The following MYO3A variants were observed in gnomAD, a reference collection of about 807,000 sequenced individuals.
MYO3A encodes myosin-IIIa.
A neutral mutation model predicts 192.7 loss-of-function variants in MYO3A; 180 were observed. The ratio of observed to expected loss-of-function variants is 0.93; its 90% CI spans 0.83 to 1.06. The LOEUF is 1.06. Among genes scored for constraint, MYO3A ranks in the 50% least tolerant of loss-of-function variants. The pLI is 0.00. For synonymous variants in MYO3A, 628 were observed against 645.3 expected, an observed-to-expected ratio of 0.97 and a Z score of 0.41; for missense variants, 1,896 against 1,905.0, an observed-to-expected ratio of 1.00 and a Z score of 0.09.
At chr10:26,068,695 A>G (rs1835006726) in intron 11 of MYO3A, 73 bp from the exon 12 acceptor site, 2 of 984,868 alleles carry the variant, frequency 2.0e-6, no homozygotes, top group Non-Finnish European at 3.2e-6. Context: ...TCTGTTTATT[A>G]TTGTTTACTT....
rs79417371 is a variant in MYO3A, at chr10:25,996,319, A to G, written c.304-171A>G. ...ATTGTGTTCTAGGAATTAATTTTAC[A>G]CAAGTCTAAGTTTATATATTCATTT... is the stretch of plus-strand genomic sequence containing the variant. On this transcript the variant is annotated intron_variant, in intron 4 of 34. Coordinates refer to ENST00000642920, the MANE Select transcript of MYO3A (RefSeq NM_017433.5). 0.064 allele frequency among the ~76,000 whole-genome samples: 9,753 copies of G among 152,360 alleles called. 407 individuals are homozygous for G. The highest frequency in any genetic ancestry group is 0.094 in the Non-Finnish European group (6,409 of 68,032).
intron 26 of MYO3A, among the ~76,000 whole-genome samples, chr10:26,163,086 T>C (rs1304961441): frequency 6.6e-6 from 1 of 152,160 alleles, no homozygotes; most frequent in Admixed American, 6.5e-5. Flanking sequence ...GCTCGGAGTG[T>C]CATGGAAAAT....
intron 23 of MYO3A, 38 bp downstream of exon 23, chr10:26,147,597 CCAAT>C (rs1202106356): frequency 6.2e-7 from 1 of 1,613,124 alleles, no homozygotes; most frequent in Non-Finnish European, 8.5e-7. Flanking sequence ...TTTCTGAAGC[CCAAT>C]CAAATAGTTT....
chr10:26,193,902 G>T (rs1369365389), intron 32 of MYO3A, among the ~76,000 whole-genome samples: 1 of 152,154 alleles, frequency 6.6e-6, no homozygotes, highest in East Asian at 1.9e-4. Context: ...CTCACTAACA[G>T]CATGAGGACT....
chr10:26,147,209 C>A (rs1399017405), intron 22 of MYO3A, among the ~76,000 whole-genome samples: 3 of 152,002 alleles, frequency 2.0e-5, no homozygotes, highest in Admixed American at 6.6e-5. Context: ...GTCATTTCAA[C>A]CCAAATAAAA....
At chr10:26,191,961 G>A (rs1333512797) in intron 31 of MYO3A, among the ~76,000 whole-genome samples, 1 of 152,138 alleles carries the variant, frequency 6.6e-6, no homozygotes, top group Non-Finnish European at 1.5e-5. Context: ...CTAGAAATAT[G>A]TGCTCAGGTG....
chr10:25,997,118 A>T, intron 5 of MYO3A, 41 bp from the exon 6 acceptor site: 2 of 1,508,168 alleles, frequency 1.3e-6, no homozygotes, highest in Non-Finnish European at 1.8e-6. Flanking sequence ...TTATTGTTTG[A>T]TGCTTTTGTT....
rs150773855 is a variant in MYO3A at position 26,166,858 on chromosome 10, A to G, written c.3111+680A>G. On this transcript the variant is annotated intron_variant, in intron 27 of 34. Coordinates refer to ENST00000642920, the MANE Select transcript of MYO3A (RefSeq NM_017433.5). Reference sequence around the variant, plus strand: ...GTATTGGACATTGATGTGTTTATATATTAGCTTGCAGAACCTGTGAGATCT... The same window carrying G: ...GTATTGGACATTGATGTGTTTATATGTTAGCTTGCAGAACCTGTGAGATCT... 2.4e-3 allele frequency among the ~76,000 whole-genome samples: 360 copies of G among 152,308 alleles called. 4 individuals carry two copies. The highest frequency in any genetic ancestry group is 4.2e-3 in the Non-Finnish European group (285 of 68,032).
At chr10:26,194,624 C>G (rs1375019456) in intron 32 of MYO3A, among the ~76,000 whole-genome samples, 1 of 152,180 alleles carries the variant, frequency 6.6e-6, no homozygotes, top group African/African-American at 2.4e-5. Flanking sequence ...CACACTTGAC[C>G]TCCAAGTTAG....
chr10:26,124,884 G>C (rs1434860139), intron 18 of MYO3A, among the ~76,000 whole-genome samples: 1 of 152,172 alleles, frequency 6.6e-6, no homozygotes, highest in Non-Finnish European at 1.5e-5. Flanking sequence ...TGAATGTCAA[G>C]TATAAGTACA....
At chr10:26,187,856 G>A (rs537173433) in intron 31 of MYO3A, among the ~76,000 whole-genome samples, 2 of 152,148 alleles carry the variant, frequency 1.3e-5, no homozygotes, top group African/African-American at 4.8e-5. Context: ...ATTCCATGGT[G>A]TATATGTGCC....
chr10:26,123,223 C>T (rs1228787705), intron 18 of MYO3A, among the ~76,000 whole-genome samples: 3 of 151,814 alleles, frequency 2.0e-5, no homozygotes, highest in African/African-American at 7.3e-5. Context: ...GGATATTTGA[C>T]TACATAAAAA....
chr10:26,055,921 AC>A (rs1483863569), intron 10 of MYO3A, among the ~76,000 whole-genome samples: 1 of 152,234 alleles, frequency 6.6e-6, no homozygotes, highest in Non-Finnish European at 1.5e-5. Flanking sequence ...AGTTACTTTT[AC>A]CCAGTCTTGG....
chr10:26,166,125 G>C lies in MYO3A; in HGVS notation c.3058G>C (p.Ala1020Pro). 1 of 1,614,070 alleles carries C rather than the reference G, an allele frequency of 6.2e-7. No homozygotes were observed. Among genetic ancestry groups the C allele is most frequent in the Non-Finnish European group, 8.5e-7 (1 of 1,180,032 alleles). ...EEPRMSPDTC[A>P]TILEKAGLDN... ...GCCCCGCATGAGCCCTGACACCTGT[G>C]CCACCATTTTGGAAAAAGCTGGTCT... Residue 1020 changes from alanine (A) to proline (P), a missense_variant, in exon 27 of 35, where the codon GCC (alanine) becomes CCC (proline). By Grantham distance (27) the Ala-to-Pro change is conservative (BLOSUM62 -1). Transcript: ENST00000642920.
intron 10 of MYO3A, among the ~76,000 whole-genome samples, chr10:26,044,274 C>T (rs1028224020): frequency 7.9e-5 from 12 of 152,216 alleles, no homozygotes; most frequent in African/African-American, 2.9e-4. Context: ...GCTGTGCAGC[C>T]TGTCATTGGA....
At chr10:26,014,979 CA>C (rs1564461165) in intron 6 of MYO3A, among the ~76,000 whole-genome samples, 1 of 152,084 alleles carries the variant, frequency 6.6e-6, no homozygotes, top group East Asian at 1.9e-4. Flanking sequence ...ATAAAGCCTG[CA>C]TGTTTCTATC....
intron 2 of MYO3A, among the ~76,000 whole-genome samples, chr10:25,950,410 T>C (rs967896118): frequency 6.6e-6 from 1 of 152,126 alleles, no homozygotes; most frequent in East Asian, 1.9e-4. Flanking sequence ...AGGAAAGATA[T>C]CACTTTGAAA....
intron 17 of MYO3A, among the ~76,000 whole-genome samples, chr10:26,103,158 G>A (rs1477819547): frequency 6.6e-6 from 1 of 152,226 alleles, no homozygotes; most frequent in Non-Finnish European, 1.5e-5. Context: ...AGCAGTGAGT[G>A]AGGCTCTGTG....
chr10:26,053,729 G>C (rs1276986896), intron 10 of MYO3A, among the ~76,000 whole-genome samples: 1 of 152,092 alleles, frequency 6.6e-6, no homozygotes, highest in Admixed American at 6.6e-5. Context: ...AGAGGCTGAG[G>C]CAGGAGAATC....
Sources: allele counts gnomAD v4.1 joint callset (sites outside exome capture counted in the v4.1 genomes callset), GRCh38; gene constraint gnomAD v4.1.1; transcripts MANE v1.5; gene names NCBI Gene and HGNC (gene_info 2026-07-23, HGNC 2026-07-21).